Variants in CSMD2 observed in about 807,000 individuals in gnomAD.
The protein encoded by CSMD2 is CUB and Sushi multiple domains 2.
In CSMD2, 130 loss-of-function variants were observed where a neutral mutation model predicts 398.5. The observed-to-expected ratio is 0.33, with a 90% CI of 0.28 to 0.38. CSMD2 has a LOEUF of 0.38. Ranked by LOEUF, CSMD2 falls within the 10% of genes least tolerant of loss-of-function variation. CSMD2 has a pLI of 1.00. For synonymous variants in CSMD2, 1,828 were observed against 1,908.5 expected, an observed-to-expected ratio of 0.96 and a Z score of 1.10; for missense variants, 3,829 against 4,764.9, an observed-to-expected ratio of 0.80 and a Z score of 5.78.
chr1:33,891,262 AG>A (rs1253979529), intron 5 of CSMD2, among the ~76,000 whole-genome samples: 1 of 151,714 alleles, frequency 6.6e-6, no homozygotes, highest in Non-Finnish European at 1.5e-5. Flanking sequence ...ATTTCTCAAA[AG>A]AAGACATTTA....
chr1:33,670,899 GT>G (rs1277916064), intron 25 of CSMD2, among the ~76,000 whole-genome samples: 1 of 152,150 alleles, frequency 6.6e-6, no homozygotes, highest in African/African-American at 2.4e-5. Flanking sequence ...CCTGGGAGAG[GT>G]AACTACTGAG....
rs180980714 is a variant in CSMD2, at chr1:33,929,229, C to T, written c.712+6531G>A. Among the ~76,000 whole-genome samples the T allele has an allele frequency of 3.2e-3, 485 of 152,234 alleles. 5 individuals carry two copies. Among genetic ancestry groups the T allele is most frequent in the African/African-American group, 0.01 (417 of 41,522 alleles). ...GCCCCAATCTACGCCTGTCCCTCCA[C>T]CTCTACTCCGGCCACCCTCGACCAA... On this transcript the variant is annotated intron_variant, in intron 4 of 70. Coordinates refer to ENST00000373381, the MANE Select transcript of CSMD2 (RefSeq NM_001281956.2).
At chr1:33,627,138 T>C (rs1024547535) in intron 32 of CSMD2, among the ~76,000 whole-genome samples, 1 of 152,296 alleles carries the variant, frequency 6.6e-6, no homozygotes, top group Admixed American at 6.5e-5. Flanking sequence ...TAGAACATTT[T>C]TGAGAGTCAA....
chr1:33,804,683 T>C (rs1401913967), intron 10 of CSMD2: 10 of 716,846 alleles, frequency 1.4e-5, no homozygotes, highest in Non-Finnish European at 2.6e-5. Context: ...GACTATGCTT[T>C]TTGCTGAAGG....
chr1:34,023,489 C>T lies in CSMD2; in HGVS notation c.517+9105G>A, dbSNP rs149722201. On this transcript the variant is annotated intron_variant, in intron 3 of 70. Transcript: ENST00000373381. ...CCAGGTCAGGAGATGCAAGCAATAG[C>T]TACCATTGCAGGACTCCTACTGTGT... Among the ~76,000 whole-genome samples the T allele has an allele frequency of 4.6e-5, 7 of 152,266 alleles. No individual in the cohort carries two copies. The East Asian group carries it at 1.4e-3, about 29-fold the overall frequency.
intron 1 of CSMD2, among the ~76,000 whole-genome samples, chr1:34,106,221 G>A (rs955017306): frequency 1.3e-5 from 2 of 152,132 alleles, no homozygotes; most frequent in African/African-American, 4.8e-5. Flanking sequence ...GTGACAAGTG[G>A]TTCAGGGAAA....
chr1:33,822,973 G>A (rs1473877488), intron 7 of CSMD2, among the ~76,000 whole-genome samples: 1 of 152,166 alleles, frequency 6.6e-6, no homozygotes, highest in Non-Finnish European at 1.5e-5. Context: ...CAGCCCCCTT[G>A]CAGCACGTGA....
chr1:33,950,088 C>T (rs1338769673), intron 3 of CSMD2, among the ~76,000 whole-genome samples: 2 of 152,114 alleles, frequency 1.3e-5, no homozygotes, highest in Non-Finnish European at 2.9e-5. Context: ...CTGCCCCCAC[C>T]CCATTGCTCA....
rs1027550008 is a variant in CSMD2 at position 34,042,203 on chromosome 1, G to A, written c.405-9497C>T. Among the ~76,000 whole-genome samples the A allele has an allele frequency of 9.2e-5, 14 of 152,300 alleles. 1 individual carries two copies. The South Asian group carries it at 2.1e-3, about 23-fold the overall frequency. ...AAAAACATAGAAGACAGGGAAAGAC[G>A]GAAGAATTAGGCTTTGTCCAAATGT... On this transcript the variant is annotated intron_variant, in intron 2 of 70. Coordinates refer to ENST00000373381, the MANE Select transcript of CSMD2 (RefSeq NM_001281956.2).
chr1:33,685,025 T>C (rs1423012690), intron 25 of CSMD2, among the ~76,000 whole-genome samples: 1 of 152,244 alleles, frequency 6.6e-6, no homozygotes, highest in Non-Finnish European at 1.5e-5. Context: ...GCATGGCAAG[T>C]TCTGACTAAT....
intron 25 of CSMD2, among the ~76,000 whole-genome samples, chr1:33,664,558 T>G (rs1349184698): frequency 6.6e-6 from 1 of 152,120 alleles, no homozygotes; most frequent in Non-Finnish European, 1.5e-5. Context: ...TCCCAGCACT[T>G]TGGGAGGCTG....
intron 3 of CSMD2, among the ~76,000 whole-genome samples, chr1:33,993,024 C>T (rs1646611589): frequency 6.6e-6 from 1 of 152,096 alleles, no homozygotes; most frequent in Non-Finnish European, 1.5e-5. Context: ...TATTGTCCCA[C>T]TTATGTAAAA....
At chr1:33,942,417 T>C (rs985650262) in intron 3 of CSMD2, among the ~76,000 whole-genome samples, 2 of 152,250 alleles carry the variant, frequency 1.3e-5, no homozygotes, top group East Asian at 1.9e-4. Flanking sequence ...GTATATTTCC[T>C]GCTACCTGTC....
intron 3 of CSMD2, among the ~76,000 whole-genome samples, chr1:33,999,685 T>C (rs770650106): frequency 6.6e-6 from 1 of 152,190 alleles, no homozygotes; most frequent in African/African-American, 2.4e-5. Flanking sequence ...TAAGCTGCCA[T>C]GCCTAACCAG....
rs138459581 is a variant in CSMD2, at chr1:34,074,778, G to A, written c.404+14199C>T. On this transcript the variant is annotated intron_variant, in intron 2 of 70. Transcript: ENST00000373381. ...TAAAACCACAAAGGGTGAATGCATG[G>A]TAATCTGAGCAGGTATCACAGGAGG... is the stretch of plus-strand genomic sequence containing the variant. Among the ~76,000 whole-genome samples the A allele has an allele frequency of 3.7e-3, 568 of 152,212 alleles. 2 individuals carry two copies. The highest frequency in any genetic ancestry group is 0.013 in the African/African-American group (545 of 41,516).
At chr1:33,596,136 G>T (rs1358187605) in intron 44 of CSMD2, among the ~76,000 whole-genome samples, 5 of 152,042 alleles carry the variant, frequency 3.3e-5, no homozygotes, top group East Asian at 1.9e-4. Flanking sequence ...TAACGTATTC[G>T]ATCAGTCACC....
At chr1:33,706,732 G>A (rs543150511) in intron 22 of CSMD2, among the ~76,000 whole-genome samples, 23 of 152,266 alleles carry the variant, frequency 1.5e-4, no homozygotes, top group African/African-American at 5.3e-4. Context: ...CAAAGAGGCC[G>A]TAGCAGGAGC....
At chr1:33,571,279 G>A (rs1659571244) in intron 51 of CSMD2, among the ~76,000 whole-genome samples, 1 of 152,154 alleles carries the variant, frequency 6.6e-6, no homozygotes. Flanking sequence ...TTAAAGAAAT[G>A]AATTAGTGCA....
chr1:33,726,120 G>T (rs1646520697), intron 16 of CSMD2, among the ~76,000 whole-genome samples: 1 of 152,218 alleles, frequency 6.6e-6, no homozygotes, highest in Non-Finnish European at 1.5e-5. Flanking sequence ...AAGGGGCATA[G>T]CCAGGGTGGG....
Sources: gnomAD v4.1 joint callset for allele counts (sites outside exome capture counted in the v4.1 genomes callset) on GRCh38, gnomAD v4.1.1 for gene constraint, MANE v1.5 for transcripts, NCBI Gene and HGNC (gene_info 2026-07-23, HGNC 2026-07-21) for gene names.